AOPEP: variants seen among roughly 807,000 people sequenced by gnomAD.
AOPEP encodes aminopeptidase O (putative), also known as aminopeptidase O.
A neutral mutation model predicts 98.1 loss-of-function variants in AOPEP; 77 were observed. That is an observed-to-expected ratio of 0.78 (90% CI 0.65 to 0.95). The LOEUF (loss-of-function observed/expected upper bound fraction) is 0.95, where lower values mean the gene tolerates loss of function less well. Ranked by LOEUF, AOPEP falls within the 40% of genes least tolerant of loss-of-function variation. The pLI, the probability that AOPEP is intolerant of heterozygous loss-of-function variation, is 0.00. For synonymous variants in AOPEP, 346 were observed against 365.3 expected (o/e 0.95, Z 0.60); for missense variants, 1,024 against 1,024.7 (o/e 1.00, Z 0.01).
At chr9:94,828,060 G>A (rs1855032527) in intron 5 of AOPEP, among the ~76,000 whole-genome samples, 2 of 152,226 alleles carry the variant, frequency 1.3e-5, no homozygotes, top group South Asian at 4.1e-4. Context: ...GGCGAGGGAA[G>A]CAGGGAGGAG....
the AOPEP span, among the ~76,000 whole-genome samples, chr9:95,093,625 A>G: frequency 2.0e-5 from 3 of 152,194 alleles, no homozygotes; most frequent in Admixed American, 6.5e-5. Flanking sequence ...CTTTTCAGCT[A>G]GTCTCTTCCC....
At chr9:94,809,760 T>C (rs1850061838) in intron 5 of AOPEP, among the ~76,000 whole-genome samples, 1 of 152,244 alleles carries the variant, frequency 6.6e-6, no homozygotes. Context: ...TTAGGTACAC[T>C]ATAAAACACA....
At chr9:95,113,011 G>T in the AOPEP span, among the ~76,000 whole-genome samples, 1 of 152,198 alleles carries the variant, frequency 6.6e-6, no homozygotes, top group Non-Finnish European at 1.5e-5. Context: ...CAATCACAGG[G>T]TGGGCTGTTT....
At chr9:94,912,471 A>G (rs55793565) in intron 5 of AOPEP, among the ~76,000 whole-genome samples, 1 of 152,138 alleles carries the variant, frequency 6.6e-6, no homozygotes. Context: ...TGAGTGCGTT[A>G]TCTCTTCCTA....
intron 10 of AOPEP, among the ~76,000 whole-genome samples, chr9:94,973,384 G>A (rs574516994): frequency 1.3e-5 from 2 of 152,332 alleles, no homozygotes; most frequent in Non-Finnish European, 1.5e-5. Context: ...GGGCAACACC[G>A]TCTTCACACA....
At chr9:94,762,173 C>T (rs992945141) in intron 2 of AOPEP, among the ~76,000 whole-genome samples, 44 of 152,276 alleles carry the variant, frequency 2.9e-4, no homozygotes, top group Admixed American at 1.6e-3. Context: ...GAGGGCCAGG[C>T]GCGGTGGCTC....
chr9:94,765,763 A>G (rs1418537323), intron 2 of AOPEP, among the ~76,000 whole-genome samples: 1 of 152,096 alleles, frequency 6.6e-6, no homozygotes, highest in Non-Finnish European at 1.5e-5. Context: ...ATTACCAATA[A>G]TTTTATCATT....
At chr9:94,986,162 C>A (rs1422193278) in intron 11 of AOPEP, among the ~76,000 whole-genome samples, 1 of 152,132 alleles carries the variant, frequency 6.6e-6, no homozygotes, top group Non-Finnish European at 1.5e-5. Context: ...GGTGAGGCCT[C>A]TCTCCTCGGC....
At chr9:95,033,569 C>T (rs958692857) in intron 13 of AOPEP, among the ~76,000 whole-genome samples, 4 of 152,170 alleles carry the variant, frequency 2.6e-5, no homozygotes, top group African/African-American at 9.7e-5. Context: ...AAAGAAGCTA[C>T]AGTTCCCTAA....
the AOPEP span, chr9:95,101,281 T>G: frequency 3.3e-6 from 1 of 306,926 alleles, no homozygotes; most frequent in Non-Finnish European, 6.2e-6. Context: ...CTAAAAAGAG[T>G]CTAAAAAGAG....
intron 5 of AOPEP, among the ~76,000 whole-genome samples, chr9:94,838,670 T>C (rs1441025587): frequency 6.6e-6 from 1 of 152,206 alleles, no homozygotes; most frequent in Non-Finnish European, 1.5e-5. Flanking sequence ...TTGAGATAAA[T>C]TTGGAAAGAG....
At chr9:94,911,277 A>G (rs78393523) in intron 5 of AOPEP, among the ~76,000 whole-genome samples, 14 of 152,356 alleles carry the variant, frequency 9.2e-5, no homozygotes, top group African/African-American at 3.4e-4. Context: ...GCCTCAGACA[A>G]TGTAGCTGTC....
intron 5 of AOPEP, among the ~76,000 whole-genome samples, chr9:94,892,358 C>T (rs2048974892): frequency 6.6e-6 from 1 of 152,282 alleles, no homozygotes; most frequent in Middle Eastern, 3.4e-3. Context: ...TATTTTCTCA[C>T]TGTTGTTCAA....
Position 94,980,921 on chromosome 9 carries a change from G to A in AOPEP, c.1977+1494G>A, listed in dbSNP as rs147199024. Among the ~76,000 whole-genome samples the A allele has an allele frequency of 5.9e-5, 9 of 152,318 alleles. No individual in the cohort carries two copies. The highest frequency in any genetic ancestry group is 2.2e-4 in the African/African-American group (9 of 41,560). Reference sequence around the variant, plus strand: ...TCAGATGGGAGTGCAGGTGGTGGGGGACATTTGCTGAAGTTTGCCTTGTGA... The same window carrying A: ...TCAGATGGGAGTGCAGGTGGTGGGGAACATTTGCTGAAGTTTGCCTTGTGA... On this transcript the variant is annotated intron_variant, in intron 11 of 16. Transcript: ENST00000375315. This position sits in a 1 kb window ranked among gnomAD's most constrained non-coding sequence, Gnocchi z 4.3.
intron 5 of AOPEP, among the ~76,000 whole-genome samples, chr9:94,864,192 A>G (rs1588609218): frequency 6.6e-6 from 1 of 152,238 alleles, no homozygotes; most frequent in African/African-American, 2.4e-5. Context: ...AAAGACTGAT[A>G]TGGCCTTTAC....
intron 7 of AOPEP, among the ~76,000 whole-genome samples, chr9:94,939,242 C>T (rs1341221204): frequency 4.7e-5 from 6 of 128,220 alleles, no homozygotes; most frequent in East Asian, 4.4e-4. Flanking sequence ...AGTGAGACTT[C>T]GTGTCAGAAA....
intron 13 of AOPEP, among the ~76,000 whole-genome samples, chr9:95,041,635 C>T (rs1380068040): frequency 6.6e-6 from 1 of 152,036 alleles, no homozygotes; most frequent in Admixed American, 6.6e-5. Flanking sequence ...TATTTCTTAC[C>T]GGCTGTAATA....
At chr9:95,124,727 G>A in the AOPEP span, among the ~76,000 whole-genome samples, 1 of 152,172 alleles carries the variant, frequency 6.6e-6, no homozygotes, top group Non-Finnish European at 1.5e-5. Context: ...TAGACCCCAG[G>A]GTGCCTCCTG....
At chr9:95,017,377 A>C (rs2063097563) in intron 13 of AOPEP, among the ~76,000 whole-genome samples, 1 of 152,250 alleles carries the variant, frequency 6.6e-6, no homozygotes, top group Non-Finnish European at 1.5e-5. Flanking sequence ...ATGTTACTGT[A>C]CTGAATACTG....
Sources: allele counts gnomAD v4.1 joint callset (sites outside exome capture counted in the v4.1 genomes callset), GRCh38; gene constraint gnomAD v4.1.1; non-coding constraint Gnocchi (gnomAD v3.1); transcripts MANE v1.5; gene names NCBI Gene and HGNC (gene_info 2026-07-23, HGNC 2026-07-21).